The following ANO2 variants were observed in gnomAD, a reference collection of about 807,000 sequenced individuals.
ANO2 encodes anoctamin-2.
A neutral mutation model predicts 124.2 loss-of-function variants in ANO2; 101 were observed. That is an observed-to-expected ratio of 0.81 (90% confidence interval 0.69 to 0.96). ANO2 has a LOEUF of 0.96. ANO2 is among the 40% of genes least tolerant of loss of function. The pLI is 0.00. For synonymous variants in ANO2, 486 were observed against 482.5 expected (o/e 1.01, Z -0.09); for missense variants, 1,293 against 1,274.5 (o/e 1.01, Z -0.22).
At position 5,945,176 on chromosome 12, in the gene ANO2, G is replaced by A. The variant is rs1281403797; in HGVS notation, c.22+20C>T. 1.6e-6 allele frequency: 2 copies of A among 1,288,612 alleles called. No individual in the cohort carries two copies. Among genetic ancestry groups the A allele is most frequent in the South Asian group, 1.2e-5 (1 of 80,850 alleles). 79.8% of individuals were successfully genotyped at this position (1,288,612 alleles called of 1,614,324 possible). On this transcript the variant is annotated intron_variant, in intron 1 of 24. Transcript: ENST00000682330. ...TACCACCTGTAGGAGACCAGGACCA[G>A]GTCCAGCCGGAAAACTCACCGCGCG...
At chr12:5,581,734 C>G (rs1486085703) in intron 20 of ANO2, among the ~76,000 whole-genome samples, 1 of 152,172 alleles carries the variant, frequency 6.6e-6, no homozygotes, top group Non-Finnish European at 1.5e-5. Context: ...CACTGGATGG[C>G]CTCAAGAGAC....
In ANO2 at chr12:5,846,023, G is replaced by A. The variant is rs1345423598; in HGVS notation, c.633+8020C>T. ...TGTTTTGAGTGGCATAATTCAAAGC[G>A]GTTTTATGAATCTTTTTCCTCAAAG... On this transcript the variant is annotated intron_variant, in intron 4 of 24. Transcript: ENST00000682330. Among the ~76,000 whole-genome samples, 8 of 152,226 alleles carry A rather than the reference G, an allele frequency of 5.3e-5. No individual in the cohort carries two copies. The South Asian group carries it at 6.2e-4, about 12-fold the overall frequency.
In ANO2 at chr12:5,578,537, T is replaced by G. The variant is rs1461255222; in HGVS notation, c.2234-19A>C. 1.2e-6 allele frequency: 2 copies of G among 1,608,580 alleles called. No individual in the cohort carries two copies. Among genetic ancestry groups the G allele is most frequent in the Admixed American group, 1.7e-5 (1 of 59,328 alleles). On this transcript the variant is annotated intron_variant, in intron 20 of 24. Transcript: ENST00000682330. ...TGGATGACTGCGAGAGAGCACAGCA[T>G]GAGGGCTTCAGCAGGAACAAGCAGG...
intron 15 of ANO2, among the ~76,000 whole-genome samples, chr12:5,638,962 A>G (rs964087528): frequency 4.6e-5 from 7 of 152,192 alleles, no homozygotes; most frequent in Non-Finnish European, 1.0e-4. Flanking sequence ...AAAGTTGAGA[A>G]AATCATTGCA....
intron 10 of ANO2, among the ~76,000 whole-genome samples, chr12:5,777,894 A>C (rs944935725): frequency 6.6e-6 from 1 of 152,220 alleles, no homozygotes; most frequent in Admixed American, 6.5e-5. Flanking sequence ...CCCAAATGTC[A>C]AACACTGGGA....
In ANO2 at chr12:5,647,801, C is replaced by G. The variant is rs369795691; in HGVS notation, c.1546G>C (p.Asp516His). ...ETNTTECGDEDDEDKLTWKDR... is the reference protein window; with the variant it reads ...ETNTTECGDEHDEDKLTWKDR... Reference sequence around the variant, plus strand: ...TTCCAGGTCAGTTTATCTTCATCATCCTGGGGAGAAACGGGAGAGTAGAGA... The same window carrying G: ...TTCCAGGTCAGTTTATCTTCATCATGCTGGGGAGAAACGGGAGAGTAGAGA... The change falls in exon 15 of 25, where the codon GAT becomes CAT. Residue 516 changes from aspartate (D) to histidine (H), a missense_variant and splice_region_variant. Asp to His is a moderately conservative substitution (Grantham distance 81, BLOSUM62 -1). Transcript: ENST00000682330. 1.2e-6 allele frequency: 2 copies of G among 1,607,842 alleles called. No individual in the cohort carries two copies. The highest frequency in any genetic ancestry group is 2.7e-5 in the African/African-American group (2 of 74,866).
intron 10 of ANO2, among the ~76,000 whole-genome samples, chr12:5,795,085 A>C (rs1403442857): frequency 2.6e-5 from 4 of 152,142 alleles, no homozygotes; most frequent in Admixed American, 6.5e-5. Context: ...GGATCAAACC[A>C]CACAGTCTCT....
chr12:5,934,172 G>A (rs991833020), intron 1 of ANO2, among the ~76,000 whole-genome samples: 1 of 152,152 alleles, frequency 6.6e-6, no homozygotes, highest in Non-Finnish European at 1.5e-5. Flanking sequence ...TAACCCTGAG[G>A]TAGGTACCAT....
At chr12:5,676,931 G>A (rs1948272863) in intron 14 of ANO2, among the ~76,000 whole-genome samples, 1 of 152,146 alleles carries the variant, frequency 6.6e-6, no homozygotes, top group Admixed American at 6.5e-5. Context: ...GTGCACACCT[G>A]TAATCCCAGC....
intron 14 of ANO2, among the ~76,000 whole-genome samples, chr12:5,716,610 C>G (rs1280462087): frequency 6.6e-6 from 1 of 152,190 alleles, no homozygotes; most frequent in East Asian, 1.9e-4. Context: ...GCCACAAATT[C>G]TCTAAACTCA....
intron 10 of ANO2, among the ~76,000 whole-genome samples, chr12:5,793,601 G>A (rs1328410594): frequency 1.3e-5 from 2 of 152,202 alleles, no homozygotes; most frequent in Non-Finnish European, 1.5e-5. Flanking sequence ...CCCCAGCTCT[G>A]CCCTGGAATT....
rs1040889823 is a variant in ANO2, at chr12:5,733,631, G to A, written c.1435-1001C>T. ...GGTCAACGGGCCAGGCTTTTGACCTGTCTCTGGCTTTCCCAAGACACGCCA... is the reference window on the plus strand; with the variant it reads ...GGTCAACGGGCCAGGCTTTTGACCTATCTCTGGCTTTCCCAAGACACGCCA... On this transcript the variant is annotated intron_variant, in intron 13 of 24. Transcript: ENST00000682330. Among the ~76,000 whole-genome samples the A allele has an allele frequency of 4.7e-4, 71 of 152,196 alleles. 1 individual carries two copies. The highest frequency in any genetic ancestry group is 4.6e-3 in the Admixed American group (70 of 15,288).
intron 14 of ANO2, among the ~76,000 whole-genome samples, chr12:5,695,131 C>G (rs532169585): frequency 2.6e-5 from 4 of 152,000 alleles, no homozygotes; most frequent in Non-Finnish European, 5.9e-5. Context: ...CCTACTGCTC[C>G]CTAGAAGAAA....
At chr12:5,745,053 G>A (rs1271928902) in intron 11 of ANO2, among the ~76,000 whole-genome samples, 1 of 152,212 alleles carries the variant, frequency 6.6e-6, no homozygotes, top group African/African-American at 2.4e-5. Context: ...CTAATGGCCT[G>A]TATTCCAACC....
chr12:5,837,402 G>A (rs1954363602), intron 4 of ANO2, among the ~76,000 whole-genome samples: 1 of 132,872 alleles, frequency 7.5e-6, no homozygotes, highest in African/African-American at 2.9e-5. Flanking sequence ...ATGTATACAT[G>A]TGCCATGCTG....
At chr12:5,662,141 C>T (rs943755424) in intron 14 of ANO2, among the ~76,000 whole-genome samples, 2 of 152,254 alleles carry the variant, frequency 1.3e-5, no homozygotes, top group Non-Finnish European at 2.9e-5. Context: ...GTAAGAAGGG[C>T]AAGAACTGAA....
intron 1 of ANO2, among the ~76,000 whole-genome samples, chr12:5,944,781 C>T (rs191103726): frequency 1.4e-3 from 217 of 152,150 alleles, no homozygotes; most frequent in Non-Finnish European, 2.4e-3. Context: ...CTCAGCGGAC[C>T]GTTGCTGAGT....
chr12:5,764,966 T>G (rs1223497985), intron 10 of ANO2, among the ~76,000 whole-genome samples: 1 of 151,820 alleles, frequency 6.6e-6, no homozygotes, highest in Non-Finnish European at 1.5e-5. Flanking sequence ...AAGGAAGGAA[T>G]AGGATATTGT....
At position 5,690,866 on chromosome 12, in the gene ANO2, C is replaced by T. The variant is rs531648669; in HGVS notation, c.1545+41654G>A. Among the ~76,000 whole-genome samples the T allele has an allele frequency of 3.9e-5, 6 of 152,208 alleles. No individual in the cohort carries two copies. In the East Asian group the frequency reaches 9.6e-4, roughly 24 times the overall value. On this transcript the variant is annotated intron_variant, in intron 14 of 24. Transcript: ENST00000682330. ...GAAATCTAATAAAAATCAGGAATTA[C>T]GCCTAAAATAATTTTTCAATTTCAG...
Sources: allele counts gnomAD v4.1 joint callset (sites outside exome capture counted in the v4.1 genomes callset), GRCh38; gene constraint gnomAD v4.1.1; transcripts MANE v1.5; gene names NCBI Gene and HGNC (gene_info 2026-07-23, HGNC 2026-07-21).